The following OSTN variants were observed in gnomAD, a reference collection of about 807,000 sequenced individuals.
OSTN encodes the protein osteocrin.
OSTN carries 9 observed loss-of-function variants against 12.0 expected under a neutral mutation model. The observed-to-expected ratio is 0.75, with a 90% confidence interval of 0.45 to 1.30. OSTN has a LOEUF of 1.30. OSTN is among the 50% of genes most tolerant of loss of function. The pLI, the probability that OSTN is intolerant of heterozygous loss-of-function variation, is 0.00. For missense variants in OSTN, 148 were observed against 152.3 expected, an observed-to-expected ratio of 0.97 and a Z score of 0.15; for synonymous variants, 59 against 56.9, an observed-to-expected ratio of 1.04 and a Z score of -0.16.
chr3:191,261,033 T>G (rs182393846), intron 4 of OSTN, among the ~76,000 whole-genome samples: 76 of 151,886 alleles, frequency 5.0e-4, no homozygotes, highest in Non-Finnish European at 8.8e-4. Context: ...GAGAGAGAGA[T>G]AGAGGCCAGG....
intron 2 of OSTN, among the ~76,000 whole-genome samples, chr3:191,217,705 T>C (rs916756281): frequency 1.3e-5 from 2 of 152,180 alleles, no homozygotes; most frequent in African/African-American, 4.8e-5. Context: ...ACAAGAAATT[T>C]TACATGGGGC....
At chr3:191,219,070 A>C in intron 3 of OSTN, 109 bp downstream of exon 3, 1 of 979,418 alleles carries the variant, frequency 1.0e-6, no homozygotes, top group Non-Finnish European at 1.5e-6. Context: ...TGTATATATA[A>C]ACAGATTTGA....
At chr3:191,206,051 G>T (rs1029880539) in intron 1 of OSTN, among the ~76,000 whole-genome samples, 2 of 152,092 alleles carry the variant, frequency 1.3e-5, no homozygotes, top group Admixed American at 1.3e-4. Context: ...CAGACACGGT[G>T]GCAGGGCCTG....
At chr3:191,199,917 G>A (rs1714116133) in intron 1 of OSTN, among the ~76,000 whole-genome samples, 1 of 152,086 alleles carries the variant, frequency 6.6e-6, no homozygotes, top group African/African-American at 2.4e-5. Flanking sequence ...GAGTTAATCT[G>A]AAACATACAT....
In OSTN at chr3:191,265,539, AC is replaced by A. The variant is rs1317731290; in HGVS notation, c.*2690del. 6.6e-6 allele frequency: 1 copy of A among 152,182 alleles called. No individual in the cohort carries two copies. Among genetic ancestry groups the A allele is most frequent in the Non-Finnish European group, 1.5e-5 (1 of 68,030 alleles). 9.4% of individuals were successfully genotyped at this position (152,182 alleles called of 1,614,324 possible). The stretch of plus-strand genomic sequence containing the variant: ...TATAAAAAGCTTTCTGAATGATATT[AC>A]CCCTTATACCTAAAGGCTCAAGATG... On this transcript the variant is annotated 3_prime_UTR_variant, in exon 5 of 5. Transcript: ENST00000682035.
chr3:191,207,438 T>A (rs1714306835), intron 1 of OSTN, among the ~76,000 whole-genome samples: 1 of 152,154 alleles, frequency 6.6e-6, no homozygotes, highest in Admixed American at 6.6e-5. Context: ...AGTTTAAAAG[T>A]CTTATTGATT....
intron 4 of OSTN, among the ~76,000 whole-genome samples, chr3:191,257,053 G>A (rs1211782963): frequency 6.6e-6 from 1 of 151,686 alleles, no homozygotes; most frequent in Non-Finnish European, 1.5e-5. Flanking sequence ...AAGCATTGTG[G>A]TGCAAGCCTG....
intron 3 of OSTN, among the ~76,000 whole-genome samples, chr3:191,227,031 T>C (rs1391083253): frequency 6.6e-6 from 1 of 152,030 alleles, no homozygotes; most frequent in African/African-American, 2.4e-5. Context: ...ATTTTAAAGT[T>C]ATCATGACAA....
intron 3 of OSTN, among the ~76,000 whole-genome samples, chr3:191,222,317 C>T (rs1405617745): frequency 2.0e-5 from 3 of 152,204 alleles, no homozygotes; most frequent in East Asian, 1.9e-4. Context: ...ACATTCAACA[C>T]CAGCTCGTGA....
chr3:191,234,419 G>A (rs904729018), intron 3 of OSTN, among the ~76,000 whole-genome samples: 4 of 151,912 alleles, frequency 2.6e-5, no homozygotes, highest in Non-Finnish European at 4.4e-5. Context: ...TGACTTGGCC[G>A]GGTGCAGTGG....
At chr3:191,225,723 A>T (rs1426396059) in intron 3 of OSTN, among the ~76,000 whole-genome samples, 2 of 152,128 alleles carry the variant, frequency 1.3e-5, no homozygotes, top group African/African-American at 4.8e-5. Context: ...TTAATACAGA[A>T]ACAGGAAATC....
chr3:191,259,831 A>G (rs1715763834), intron 4 of OSTN, among the ~76,000 whole-genome samples: 2 of 148,756 alleles, frequency 1.3e-5, no homozygotes, highest in Admixed American at 6.7e-5. Flanking sequence ...AAAGCTAGCT[A>G]TGACCCTATT....
chr3:191,235,951 A>G (rs1359564441), intron 3 of OSTN, among the ~76,000 whole-genome samples: 2 of 152,218 alleles, frequency 1.3e-5, no homozygotes, highest in African/African-American at 2.4e-5. Context: ...CCATGCTTCA[A>G]TGGACATATT....
intron 3 of OSTN, among the ~76,000 whole-genome samples, chr3:191,234,335 C>G (rs1175515876): frequency 6.6e-6 from 1 of 151,984 alleles, no homozygotes; most frequent in Non-Finnish European, 1.5e-5. Context: ...CCACGGTGGC[C>G]TGAAAAGACA....
In OSTN at chr3:191,245,039, CTTT is replaced by C. The variant is rs796479222; in HGVS notation, c.318-4994_318-4992del. On this transcript the variant is annotated intron_variant, in intron 3 of 4. Coordinates refer to ENST00000682035, the MANE Select transcript of OSTN (RefSeq NM_198184.2). ...CACTATATATTGTGTAGGAGGGATA[CTTT>C]TTTACTGGGACAATTCTTTACTTAA... 3.3e-5 allele frequency among the ~76,000 whole-genome samples: 5 copies of C among 152,068 alleles called. 1 individual carries two copies. In the South Asian group the frequency reaches 6.2e-4, roughly 19 times the overall value.
chr3:191,214,449 A>AAAC (rs1553818009), intron 2 of OSTN, among the ~76,000 whole-genome samples: 1 of 149,462 alleles, frequency 6.7e-6, no homozygotes, highest in East Asian at 2.1e-4. Context: ...AAAAAAAAAA[A>AAAC]AAAAAAAAAA....
chr3:191,219,763 C>T (rs1193839580), intron 3 of OSTN, among the ~76,000 whole-genome samples: 3 of 152,186 alleles, frequency 2.0e-5, no homozygotes, highest in African/African-American at 7.2e-5. Flanking sequence ...TTTAGCTCAT[C>T]CTGAACATTT....
intron 2 of OSTN, 75 bp from the exon 3 acceptor site, chr3:191,218,671 CA>C: frequency 1.6e-6 from 2 of 1,213,304 alleles, no homozygotes; most frequent in Non-Finnish European, 2.4e-6. Context: ...CTAACAGTAG[CA>C]AAAGCCAGAT....
chr3:191,208,756 T>G (rs1052939334), intron 1 of OSTN, among the ~76,000 whole-genome samples: 2 of 152,170 alleles, frequency 1.3e-5, no homozygotes, highest in African/African-American at 4.8e-5. Context: ...GCATATAAAT[T>G]TGGGCAATTT....
Sources: allele counts gnomAD v4.1 joint callset (sites outside exome capture counted in the v4.1 genomes callset), GRCh38; gene constraint gnomAD v4.1.1; transcripts MANE v1.5; gene names NCBI Gene and HGNC (gene_info 2026-07-23, HGNC 2026-07-21).